Variants in CDC42SE2 observed in about 807,000 individuals in gnomAD.
CDC42SE2 encodes CDC42 small effector 2, also known as CDC42 small effector protein 2.
A neutral mutation model predicts 11.5 loss-of-function variants in CDC42SE2; 3 were observed. The ratio of observed to expected loss-of-function variants is 0.26; its 90% CI spans 0.12 to 0.67. The LOEUF (loss-of-function observed/expected upper bound fraction) is 0.67. Among genes scored for constraint, CDC42SE2 ranks in the 30% least tolerant of loss-of-function variants. CDC42SE2 has a pLI of 0.80. For synonymous variants in CDC42SE2, 33 were observed against 34.8 expected (o/e 0.95, Z 0.18); for missense variants, 82 against 106.8 (o/e 0.77, Z 1.02).
At chr5:131,383,978 A>C (rs1458808099) in intron 3 of CDC42SE2, among the ~76,000 whole-genome samples, 1 of 152,258 alleles carries the variant, frequency 6.6e-6, no homozygotes, top group African/African-American at 2.4e-5. Context: ...AAATGTCCAC[A>C]TAGGCAGGAA....
chr5:131,349,072 A>C (rs1758931611), intron 2 of CDC42SE2, among the ~76,000 whole-genome samples: 1 of 152,172 alleles, frequency 6.6e-6, no homozygotes, highest in South Asian at 2.1e-4. Context: ...TTCAGGACAT[A>C]GGCATGGGCA....
intron 1 of CDC42SE2, among the ~76,000 whole-genome samples, chr5:131,266,702 C>T (rs765338322): frequency 1.3e-5 from 2 of 151,984 alleles, no homozygotes; most frequent in African/African-American, 4.8e-5. Context: ...AAGTGATCTG[C>T]CCGCCTCGGC....
At chr5:131,293,456 C>T (rs754209950) in intron 1 of CDC42SE2, among the ~76,000 whole-genome samples, 3 of 151,982 alleles carry the variant, frequency 2.0e-5, no homozygotes, top group Non-Finnish European at 4.4e-5. Flanking sequence ...CCTGTAATCC[C>T]GGTTACCGGG....
chr5:131,311,597 G>T (rs192198120), intron 1 of CDC42SE2, among the ~76,000 whole-genome samples: 1 of 152,028 alleles, frequency 6.6e-6, no homozygotes, highest in Non-Finnish European at 1.5e-5. Context: ...ACGTAGATTT[G>T]GTCTTTTCAC....
intron 4 of CDC42SE2, among the ~76,000 whole-genome samples, chr5:131,388,590 CCT>C (rs1237627005): frequency 2.0e-5 from 3 of 152,006 alleles, no homozygotes; most frequent in Non-Finnish European, 4.4e-5. Flanking sequence ...TTTCTACTAC[CCT>C]CTTTCCAGAA....
chr5:131,292,613 T>G (rs915877455), intron 1 of CDC42SE2, among the ~76,000 whole-genome samples: 16 of 149,126 alleles, frequency 1.1e-4, no homozygotes, highest in Non-Finnish European at 2.2e-4. Context: ...AAGTACACAG[T>G]TAGGGCTGGG....
intron 3 of CDC42SE2, among the ~76,000 whole-genome samples, chr5:131,385,061 C>G (rs1009083624): frequency 1.3e-5 from 2 of 152,168 alleles, no homozygotes; most frequent in Non-Finnish European, 2.9e-5. Flanking sequence ...ACCTCCACCC[C>G]CTCCAGCTGA....
intron 1 of CDC42SE2, among the ~76,000 whole-genome samples, chr5:131,312,166 A>G (rs938562546): frequency 6.6e-6 from 1 of 151,756 alleles, no homozygotes; most frequent in African/African-American, 2.4e-5. Context: ...TCTAACAGAC[A>G]GGACCCTCAG....
At chr5:131,297,243 T>C (rs747017767) in intron 1 of CDC42SE2, among the ~76,000 whole-genome samples, 25 of 151,298 alleles carry the variant, frequency 1.7e-4, no homozygotes, top group Non-Finnish European at 3.1e-4. Context: ...TACAATAAAA[T>C]ATGACAGCAG....
At chr5:131,219,463 A>T in the CDC42SE2 span, among the ~76,000 whole-genome samples, 6 of 152,322 alleles carry the variant, frequency 3.9e-5, no homozygotes, top group Non-Finnish European at 7.4e-5. Flanking sequence ...CTTTAAACTC[A>T]AAATAAAGTC....
At chr5:131,211,180 T>C in the CDC42SE2 span, among the ~76,000 whole-genome samples, 1 of 152,222 alleles carries the variant, frequency 6.6e-6, no homozygotes, top group African/African-American at 2.4e-5. Flanking sequence ...ACACCTCTCA[T>C]TGTGCTTCAT....
intron 1 of CDC42SE2, among the ~76,000 whole-genome samples, chr5:131,303,000 C>T (rs1007307193): frequency 6.6e-6 from 1 of 152,132 alleles, no homozygotes; most frequent in African/African-American, 2.4e-5. Context: ...CAAATAATAG[C>T]AAGAATCAAA....
At chr5:131,264,780 A>T (rs1404020971) in intron 1 of CDC42SE2, among the ~76,000 whole-genome samples, 1 of 152,248 alleles carries the variant, frequency 6.6e-6, no homozygotes, top group East Asian at 1.9e-4. Flanking sequence ...ATTTTAGGCA[A>T]CGGGTGTGGT....
intron 2 of CDC42SE2, among the ~76,000 whole-genome samples, chr5:131,341,375 C>G (rs531671965): frequency 3.9e-5 from 6 of 152,310 alleles, no homozygotes; most frequent in African/African-American, 1.4e-4. Flanking sequence ...TTAGCAGATA[C>G]TGAAATAGTG....
intron 3 of CDC42SE2, among the ~76,000 whole-genome samples, chr5:131,361,073 G>GT (rs575227658): frequency 0.028 from 3,493 of 125,948 alleles, 48 homozygotes; most frequent in Middle Eastern, 0.086. Flanking sequence ...TTGTTTGTTT[G>GT]TTTTTTTTTT....
rs546540526 is a variant in CDC42SE2 at position 131,346,329 on chromosome 5, CA to C, written c.-285-12872del. 2.0e-3 allele frequency among the ~76,000 whole-genome samples: 309 copies of C among 150,832 alleles called. 1 individual carries two copies. The highest frequency in any genetic ancestry group is 7.2e-3 in the African/African-American group (298 of 41,154). On this transcript the variant is annotated intron_variant, in intron 2 of 4. Transcript: ENST00000505065. ...GAAGATCTACCAAGCAAATGGAAAA[CA>C]AAAAAAAGGAGGGGTTGCAATCCTA...
chr5:131,275,666 CTTTT>C (rs1490148117), intron 1 of CDC42SE2, among the ~76,000 whole-genome samples: 6 of 151,346 alleles, frequency 4.0e-5, no homozygotes, highest in Non-Finnish European at 5.9e-5. Context: ...TTTTTCTTTT[CTTTT>C]CTTTTCTTTT....
At chr5:131,290,494 T>G (rs1757435516) in intron 1 of CDC42SE2, among the ~76,000 whole-genome samples, 3 of 148,250 alleles carry the variant, frequency 2.0e-5, no homozygotes, top group Admixed American at 1.3e-4. Flanking sequence ...TTGTTTTTTT[T>G]TTTTTTGAGA....
At chr5:131,356,840 C>T (rs1438188386) in intron 2 of CDC42SE2, among the ~76,000 whole-genome samples, 2 of 152,020 alleles carry the variant, frequency 1.3e-5, no homozygotes, top group Admixed American at 1.3e-4. Context: ...CTCAGAAAGT[C>T]AAGGCTGCAG....
Sources: allele counts gnomAD v4.1 joint callset (sites outside exome capture counted in the v4.1 genomes callset), GRCh38; gene constraint gnomAD v4.1.1; transcripts MANE v1.5; gene names NCBI Gene and HGNC (gene_info 2026-07-23, HGNC 2026-07-21).